TTI1: variants seen among roughly 807,000 people sequenced by gnomAD.
TTI1 encodes TELO2-interacting protein 1 homolog.
TTI1 carries 52 observed loss-of-function variants against 85.4 expected under a neutral mutation model. The ratio of observed to expected loss-of-function variants is 0.61; its 90% CI spans 0.49 to 0.77. TTI1 has a LOEUF of 0.77. Among genes scored for constraint, TTI1 ranks in the 30% least tolerant of loss-of-function variants. The probability of loss-of-function intolerance (pLI) is 0.00; values close to 1 mark genes in which losing one functional copy is unlikely to be tolerated. For missense variants in TTI1, 1,173 were observed against 1,296.0 expected (o/e 0.91, Z 1.46); for synonymous variants, 512 against 503.9 (o/e 1.02, Z -0.22).
chr20:37,996,755 CCA>C lies in TTI1; in HGVS notation c.2990_2991del (p.Leu997ArgfsTer4). 6.2e-7 allele frequency: 1 copy of C among 1,608,424 alleles called. No homozygotes were observed. Among genetic ancestry groups the C allele is most frequent in the Non-Finnish European group, 8.5e-7 (1 of 1,176,042 alleles). ...LQGLGPLCER[L>X]DLGEGDLNKV... ...GGAACTGCCTGGTACCCACCTAGGT[CCA>C]GTCTCTCACAGAGGGGGCCCAGGCC... On this transcript the variant is annotated frameshift_variant, in exon 6 of 8. Transcript: ENST00000373447. LOFTEE classifies it high-confidence loss of function.
Position 37,983,101 on chromosome 20 carries a change from T to G in TTI1, c.*355A>C. The stretch of plus-strand genomic sequence containing the variant: ...GGTAAAACAAATTAGTTCCATCTCA[T>G]TATTTGAAGACAGGGAGGTGTATGC... On this transcript the variant is annotated 3_prime_UTR_variant, in exon 8 of 8. Transcript: ENST00000373447. 6.0e-6 allele frequency: 1 copy of G among 166,878 alleles called. No homozygotes were observed. The highest frequency in any genetic ancestry group is 1.3e-5 in the Non-Finnish European group (1 of 77,172). 10.3% of individuals were successfully genotyped at this position (166,878 alleles called of 1,614,324 possible). A position where few individuals can be genotyped will look rare whatever the true frequency, so the allele number is the denominator to read the frequency against.
intron 7 of TTI1, among the ~76,000 whole-genome samples, chr20:37,986,077 T>C (rs972191705): frequency 3.9e-5 from 6 of 152,204 alleles, no homozygotes; most frequent in African/African-American, 1.4e-4. Flanking sequence ...GGAGCAGATT[T>C]CTATTTACAC....
At chr20:37,987,629 A>G (rs958429127) in intron 7 of TTI1, among the ~76,000 whole-genome samples, 3 of 152,198 alleles carry the variant, frequency 2.0e-5, no homozygotes, top group African/African-American at 4.8e-5. Flanking sequence ...GCGAGTGATT[A>G]TCTCTCAATA....
At position 38,013,507 on chromosome 20, in the gene TTI1, G is replaced by T; in HGVS notation, c.310C>A (p.Leu104Met). ...GGTTTTTGGGAGCTGGGTGAATACA[G>T]ACAAGCAGAGAGTTCTGAAAAGAGT... ...QELFSELSAC[L>M]YSPSSQKPAA... The change falls in exon 2 of 8, where the codon CTG (leucine) becomes ATG (methionine). Residue 104 changes from leucine (L) to methionine (M), a missense_variant. Transcript: ENST00000373447. The T allele has an allele frequency of 6.2e-7, 1 of 1,614,120 alleles. No homozygotes were observed. Among genetic ancestry groups the T allele is most frequent in the Non-Finnish European group, 8.5e-7 (1 of 1,180,044 alleles).
Position 38,011,576 on chromosome 20 carries a change from T to C in TTI1, c.2241A>G (p.Gln747=), listed in dbSNP as rs142565812. ...VVQDVLATLD[Q]FYDKRAASFV... is the part of the protein sequence containing the mutation. ...AGGAAGCAGCTCTCTTATCGTAAAA[T>C]TGGTCCAGGGTGGCCAAGACATCTT... The change falls in exon 2 of 8, where the codon CAA becomes CAG. Residue 747 remains glutamine, a synonymous_variant. Transcript: ENST00000373447. 7.0e-5 allele frequency: 113 copies of C among 1,614,026 alleles called. 2 individuals carry two copies. The Middle Eastern group carries it at 4.1e-3, about 59-fold the overall frequency.
intron 1 of TTI1, 105 bp from the exon 2 acceptor site, chr20:38,013,962 G>A: frequency 8.4e-7 from 1 of 1,195,104 alleles, no homozygotes; most frequent in Non-Finnish European, 1.1e-6. Context: ...CTATGTGCCA[G>A]CCACTGCACA....
In TTI1 at chr20:38,029,568, A is replaced by AAGAG. The variant is rs60021792; in HGVS notation, c.-42+3832_-42+3835dup. 4.0e-3 allele frequency among the ~76,000 whole-genome samples: 591 copies of AAGAG among 149,222 alleles called. 4 individuals are homozygous for AAGAG. The highest frequency in any genetic ancestry group is 0.012 in the South Asian group (55 of 4,698). On this transcript the variant is annotated intron_variant, in intron 1 of 7. Transcript: ENST00000373447. ...AAGATTGACAAGGGAGTGAGTGAGCAAGAGAGAGAGAGAGAGAGAGAGGAG... is the reference window on the plus strand; with the variant it reads ...AAGATTGACAAGGGAGTGAGTGAGCAAGAGAGAGAGAGAGAGAGAGAGAGAGGAG...
chr20:38,027,672 C>T (rs1280542761), intron 1 of TTI1, among the ~76,000 whole-genome samples: 1 of 152,218 alleles, frequency 6.6e-6, no homozygotes, highest in African/African-American at 2.4e-5. Flanking sequence ...ACGCCTGCAT[C>T]CCAGCACTTT....
At chr20:37,993,462 T>G (rs2073294554) in intron 7 of TTI1, among the ~76,000 whole-genome samples, 1 of 151,998 alleles carries the variant, frequency 6.6e-6, no homozygotes. Flanking sequence ...GAAAAGCAAA[T>G]GGGAGCAAGG....
chr20:38,015,736 C>T (rs1474572186), intron 1 of TTI1, among the ~76,000 whole-genome samples: 2 of 152,160 alleles, frequency 1.3e-5, no homozygotes. Flanking sequence ...AAAAGCTCCA[C>T]TGATGAAATT....
intron 1 of TTI1, among the ~76,000 whole-genome samples, chr20:38,021,360 A>ATT (rs2073769166): frequency 6.6e-6 from 1 of 152,256 alleles, no homozygotes; most frequent in Non-Finnish European, 1.5e-5. Context: ...TCAATTACAG[A>ATT]AAGAATTGTT....
intron 2 of TTI1, among the ~76,000 whole-genome samples, chr20:38,008,291 T>C (rs2073531643): frequency 6.6e-6 from 1 of 152,136 alleles, no homozygotes; most frequent in African/African-American, 2.4e-5. Context: ...CCTATTAATA[T>C]ACTGAGACAT....
intron 1 of TTI1, among the ~76,000 whole-genome samples, chr20:38,016,202 G>C (rs918832818): frequency 4.6e-5 from 7 of 152,250 alleles, no homozygotes; most frequent in Non-Finnish European, 1.0e-4. Context: ...ACATGCAAGA[G>C]AGGGTATTAC....
rs75095478 is a variant in TTI1 at position 37,983,154 on chromosome 20, G to A, written c.*302C>T. Reference sequence around the variant, plus strand: ...ATGGAGGGGAACTGACCTCTTGTGTGTGTGTGTGTGTGGCCTGTGAGGGAG... The same window carrying A: ...ATGGAGGGGAACTGACCTCTTGTGTATGTGTGTGTGTGGCCTGTGAGGGAG... On this transcript the variant is annotated 3_prime_UTR_variant, in exon 8 of 8. Coordinates refer to ENST00000373447, the MANE Select transcript of TTI1 (RefSeq NM_001303457.2). The A allele has an allele frequency of 6.4e-3, 1,855 of 289,424 alleles. 32 individuals carry two copies. The highest frequency in any genetic ancestry group is 0.039 in the African/African-American group (1,733 of 44,048). The allele number at this position is 289,424 out of a possible 1,614,324, so 17.9% of individuals were successfully genotyped here.
In TTI1 at chr20:38,011,766, TA is replaced by T; in HGVS notation, c.2050del (p.Tyr684ThrfsTer7). On this transcript the variant is annotated frameshift_variant, in exon 2 of 8. Transcript: ENST00000373447. LOFTEE classifies it high-confidence loss of function. The part of the protein sequence containing the change: ...TMMDVCRACG[Y>X]DSLQHLINQN... ...ATTGATCAGGTGCTGCAGGGAGTCG[TA>T]GCCACAAGCACGGCAAACGTCCATC... The T allele has an allele frequency of 1.2e-6, 2 of 1,614,240 alleles. No individual in the cohort carries two copies. Among genetic ancestry groups the T allele is most frequent in the Non-Finnish European group, 1.7e-6 (2 of 1,180,036 alleles).
chr20:37,988,966 G>A (rs2073227541), intron 7 of TTI1, among the ~76,000 whole-genome samples: 1 of 152,194 alleles, frequency 6.6e-6, no homozygotes, highest in Admixed American at 6.5e-5. Context: ...TGCTCAGGGT[G>A]TTGATGCGTC....
chr20:37,994,400 T>C (rs1165236437), intron 7 of TTI1, among the ~76,000 whole-genome samples: 3 of 152,170 alleles, frequency 2.0e-5, no homozygotes, highest in Non-Finnish European at 2.9e-5. Flanking sequence ...CCCAAAGCGC[T>C]GGGATAACAG....
chr20:37,993,028 A>G (rs1369050557), intron 7 of TTI1, among the ~76,000 whole-genome samples: 2 of 151,962 alleles, frequency 1.3e-5, no homozygotes, highest in Non-Finnish European at 2.9e-5. Context: ...TGGTATGCTA[A>G]GCCCTCCTCC....
intron 2 of TTI1, 38 bp downstream of exon 2, chr20:38,011,477 C>T (rs2073586069): frequency 6.3e-7 from 1 of 1,598,610 alleles, no homozygotes; most frequent in South Asian, 1.1e-5. Flanking sequence ...TGAGTCCTGT[C>T]CCCCACACAT....
Sources: gnomAD v4.1 joint callset for allele counts (sites outside exome capture counted in the v4.1 genomes callset) on GRCh38, gnomAD v4.1.1 for gene constraint, MANE v1.5 for transcripts, NCBI Gene and HGNC (gene_info 2026-07-23, HGNC 2026-07-21) for gene names.